The following THUMPD3 variants were observed in gnomAD, a reference collection of about 807,000 sequenced individuals.
THUMPD3 encodes THUMP domain 3 tRNA guanosine methyltransferase.
Under a neutral mutation model 54.5 loss-of-function variants are expected in THUMPD3, and 44 were observed. The observed-to-expected ratio is 0.81, with a 90% CI of 0.63 to 1.04. The LOEUF (loss-of-function observed/expected upper bound fraction) is 1.04, where lower values mean the gene tolerates loss of function less well. Ranked by LOEUF, THUMPD3 falls within the 50% of genes least tolerant of loss-of-function variation. The pLI is 0.00. For synonymous variants in THUMPD3, 196 were observed against 201.4 expected, an observed-to-expected ratio of 0.97 and a Z score of 0.23; for missense variants, 604 against 601.3, an observed-to-expected ratio of 1.00 and a Z score of -0.05.
chr3:9,367,548 C>T (rs2031659404), intron 3 of THUMPD3, among the ~76,000 whole-genome samples: 2 of 152,316 alleles, frequency 1.3e-5, no homozygotes, highest in East Asian at 3.9e-4. Context: ...GTTTTTTCCA[C>T]ACTGCTTTTT....
At chr3:9,383,071 GTTGATA>G in intron 7 of THUMPD3, 122 bp from the exon 8 acceptor site, 1 of 584,288 alleles carries the variant, frequency 1.7e-6, no homozygotes, top group African/African-American at 1.8e-5. Context: ...TTTTGAATAG[GTTGATA>G]TTATCACTGA....
chr3:9,385,964 C>A lies in THUMPD3; in HGVS notation c.*1276C>A, dbSNP rs550765993. 6.6e-6 allele frequency: 1 copy of A among 152,170 alleles called. No individual in the cohort carries two copies. Among genetic ancestry groups the A allele is most frequent in the African/African-American group, 2.4e-5 (1 of 41,438 alleles). 9.4% of individuals were successfully genotyped at this position (152,170 alleles called of 1,614,324 possible). ...GTTGAGGTTTTTTTGTGGAACTCAT[C>A]ATAGTATTGTTTATTTTGGAGCCTC... On this transcript the variant is annotated 3_prime_UTR_variant, in exon 10 of 10. Coordinates refer to ENST00000452837, the MANE Select transcript of THUMPD3 (RefSeq NM_001114092.2).
intron 3 of THUMPD3, 52 bp from the exon 4 acceptor site, chr3:9,371,007 TG>T: frequency 7.1e-7 from 1 of 1,402,784 alleles, no homozygotes; most frequent in African/African-American, 1.4e-5. Context: ...GAGGTTTATT[TG>T]TTTGATTATA....
chr3:9,374,711 A>G (rs1363601090), intron 5 of THUMPD3, 65 bp downstream of exon 5: 1 of 1,579,164 alleles, frequency 6.3e-7, no homozygotes, highest in Non-Finnish European at 8.7e-7. Flanking sequence ...CCTTCAAAAT[A>G]CTGATTTGTG....
At chr3:9,364,626 T>G (rs1050277098) in intron 1 of THUMPD3, among the ~76,000 whole-genome samples, 1 of 152,240 alleles carries the variant, frequency 6.6e-6, no homozygotes, top group East Asian at 1.9e-4. Context: ...GGATTACAGG[T>G]GTGAGCCACC....
At position 9,385,480 on chromosome 3, in the gene THUMPD3, A is replaced by C. The variant is rs1192004289; in HGVS notation, c.*792A>C. The C allele has an allele frequency of 6.6e-6, 1 of 152,242 alleles. No individual in the cohort carries two copies. Among genetic ancestry groups the C allele is most frequent in the Non-Finnish European group, 1.5e-5 (1 of 68,038 alleles). 9.4% of individuals were successfully genotyped at this position (152,242 alleles called of 1,614,324 possible). A position where few individuals can be genotyped will look rare whatever the true frequency, so the allele number is the denominator to read the frequency against. ...TTTTGTGAATGGTGTTCAGCCTATAAGACGAAGTCTCACAAGACCTATAGG... is the reference window on the plus strand; with the variant it reads ...TTTTGTGAATGGTGTTCAGCCTATACGACGAAGTCTCACAAGACCTATAGG... On this transcript the variant is annotated 3_prime_UTR_variant, in exon 10 of 10. Transcript: ENST00000452837.
At position 9,371,247 on chromosome 3, in the gene THUMPD3, A is replaced by T. The variant is rs2032011902; in HGVS notation, c.518A>T (p.Lys173Ile). Residue 173 changes from lysine to isoleucine, a missense_variant, in exon 4 of 10, where the codon AAA (lysine) becomes ATA (isoleucine). Physicochemically the swap from Lys to Ile is moderately radical, Grantham distance 102 (BLOSUM62 -3). Transcript: ENST00000452837. ...AAAATCGATCAGAGAAATGTTAAAA[A>T]AGAGTTCACTAGCCATGCTTTAGAT... ...EVKIDQRNVK[K>I]EFTSHALDSH... The T allele has an allele frequency of 8.1e-6, 13 of 1,611,970 alleles. No homozygotes were observed. Among genetic ancestry groups the T allele is most frequent in the Non-Finnish European group, 1.1e-5 (13 of 1,179,534 alleles).
chr3:9,370,968 A>G, intron 3 of THUMPD3, 92 bp from the exon 4 acceptor site: 1 of 1,098,332 alleles, frequency 9.1e-7, no homozygotes, highest in Non-Finnish European at 1.3e-6. Flanking sequence ...AGTGTCCCCC[A>G]CGGATACCAA....
chr3:9,384,428 T>A, intron 9 of THUMPD3, 93 bp downstream of exon 9: 1 of 1,597,554 alleles, frequency 6.3e-7, no homozygotes, highest in Non-Finnish European at 8.5e-7. Context: ...ATTTGTTTTC[T>A]CTTCCCCTGA....
In THUMPD3 at chr3:9,384,194, T is replaced by A; in HGVS notation, c.1236-18T>A. Reference sequence around the variant, plus strand: ...GTATCTTTTGCAAGTGTTTGACTCATGAGACCTTCTATTATAGGATGGGAT... The same window carrying A: ...GTATCTTTTGCAAGTGTTTGACTCAAGAGACCTTCTATTATAGGATGGGAT... On this transcript the variant is annotated intron_variant, in intron 8 of 9. Coordinates refer to ENST00000452837, the MANE Select transcript of THUMPD3 (RefSeq NM_001114092.2). 6.2e-7 allele frequency: 1 copy of A among 1,611,920 alleles called. No individual in the cohort carries two copies. The highest frequency in any genetic ancestry group is 8.5e-7 in the Non-Finnish European group (1 of 1,179,034).
intron 3 of THUMPD3, among the ~76,000 whole-genome samples, 154 bp downstream of exon 3, chr3:9,367,139 C>T (rs1309639170): frequency 6.6e-6 from 1 of 152,200 alleles, no homozygotes; most frequent in Non-Finnish European, 1.5e-5. Flanking sequence ...GTTTTGCTGA[C>T]AGTCTATCCC....
intron 7 of THUMPD3, among the ~76,000 whole-genome samples, chr3:9,382,627 C>T (rs1015414205): frequency 2.6e-5 from 4 of 152,184 alleles, no homozygotes; most frequent in Admixed American, 6.5e-5. Context: ...GTTTTATCAG[C>T]AACTTAAATT....
chr3:9,377,888 G>A lies in THUMPD3; in HGVS notation c.1008G>A (p.Glu336=), dbSNP rs1021602317. The change falls in exon 6 of 10, where the codon GAG becomes GAA. Residue 336 remains glutamate (E), a splice_region_variant and synonymous_variant. Coordinates refer to ENST00000452837, the MANE Select transcript of THUMPD3 (RefSeq NM_001114092.2). ...PMCGTGAIPI[E]GATEWSDCFH... The stretch of plus-strand genomic sequence containing the variant: ...GTGGAACTGGGGCAATACCAATAGA[G>A]GTAATCATATTTCTTTAGCTTTTAG... 2 of 1,608,730 alleles carry A rather than the reference G, an allele frequency of 1.2e-6. No homozygotes were observed. The highest frequency in any genetic ancestry group is 1.7e-6 in the Non-Finnish European group (2 of 1,175,350).
intron 3 of THUMPD3, among the ~76,000 whole-genome samples, chr3:9,369,357 A>C (rs983104712): frequency 2.0e-5 from 3 of 151,064 alleles, no homozygotes; most frequent in Non-Finnish European, 4.4e-5. Flanking sequence ...TGAGGGTGGA[A>C]CCTATGTATA....
At chr3:9,366,252 A>T (rs1168775233) in intron 2 of THUMPD3, among the ~76,000 whole-genome samples, 1 of 152,200 alleles carries the variant, frequency 6.6e-6, no homozygotes, top group African/African-American at 2.4e-5. Flanking sequence ...GAAAACTGCA[A>T]TCTCACTATC....
rs776937627 is a variant in THUMPD3, at chr3:9,374,638, G to C, written c.930G>C (p.Gly310=). ...PTTLRSTLAY[G]MLRLCDPLPY... is the part of the protein sequence containing the mutation. ...CTCTTAGATCAACTCTTGCCTATGGGATGCTCAGGTAAGAAAATGAGTTTG... is the reference window on the plus strand; with the variant it reads ...CTCTTAGATCAACTCTTGCCTATGGCATGCTCAGGTAAGAAAATGAGTTTG... The change falls in exon 5 of 10, where the codon GGG becomes GGC. Residue 310 remains glycine (G), a synonymous_variant. Transcript: ENST00000452837. 6.2e-7 allele frequency: 1 copy of C among 1,613,486 alleles called. No homozygotes were observed.
At chr3:9,370,964 C>T in intron 3 of THUMPD3, 96 bp from the exon 4 acceptor site, 2 of 1,032,250 alleles carry the variant, frequency 1.9e-6, no homozygotes, top group African/African-American at 1.6e-5. Flanking sequence ...AACCAGTGTC[C>T]CCCACGGATA....
chr3:9,369,553 G>A (rs1321501626), intron 3 of THUMPD3, among the ~76,000 whole-genome samples: 1 of 152,112 alleles, frequency 6.6e-6, no homozygotes, highest in Non-Finnish European at 1.5e-5. Flanking sequence ...AAAATTTTAG[G>A]TTTTGGATTT....
intron 2 of THUMPD3, 72 bp downstream of exon 2, chr3:9,365,392 C>A (rs1030718779): frequency 1.6e-5 from 25 of 1,535,592 alleles, no homozygotes; most frequent in Non-Finnish European, 2.0e-5. Context: ...TTTTATAGAC[C>A]CTTCTGGAAT....
Sources: allele counts gnomAD v4.1 joint callset (sites outside exome capture counted in the v4.1 genomes callset), GRCh38; gene constraint gnomAD v4.1.1; transcripts MANE v1.5; gene names NCBI Gene and HGNC (gene_info 2026-07-23, HGNC 2026-07-21).